TIAM1: variants seen among roughly 807,000 people sequenced by gnomAD.
TIAM1 encodes the protein TIAM Rac1 associated GEF 1.
Under a neutral mutation model 163.5 loss-of-function variants are expected in TIAM1, and 65 were observed. The observed-to-expected ratio is 0.40, with a 90% confidence interval of 0.33 to 0.49. The LOEUF is 0.49. TIAM1 is among the 20% of genes least tolerant of loss of function. The pLI, the probability that TIAM1 is intolerant of heterozygous loss-of-function variation, is 0.77. For missense variants in TIAM1, 1,789 were observed against 2,044.7 expected, an observed-to-expected ratio of 0.87 and a Z score of 2.41; for synonymous variants, 833 against 810.1, an observed-to-expected ratio of 1.03 and a Z score of -0.48.
In TIAM1 at chr21:31,498,744, G is replaced by A. The variant is rs541891876; in HGVS notation, c.-421-34709C>T. ...GTGGATCACCTGAGGTCAAGAGTTC[G>A]AGACCAGCCTGGCCAACATGGTGAA... On this transcript the variant is annotated intron_variant, in intron 1 of 28. Coordinates refer to the TIAM1 transcript ENST00000286827. Among the ~76,000 whole-genome samples the A allele has an allele frequency of 1.5e-4, 23 of 152,186 alleles. No homozygotes were observed. In the East Asian group the frequency reaches 3.3e-3, roughly 22 times the overall value.
chr21:31,405,451 T>C (rs2147226966), intron 2 of TIAM1, among the ~76,000 whole-genome samples: 1 of 152,170 alleles, frequency 6.6e-6, no homozygotes, highest in East Asian at 1.9e-4. Flanking sequence ...CTAATCCCCC[T>C]TCCCGAGCCC....
intron 1 of TIAM1, among the ~76,000 whole-genome samples, chr21:31,523,208 C>T (rs543831863): frequency 3.3e-5 from 5 of 152,296 alleles, no homozygotes; most frequent in African/African-American, 4.8e-5. Context: ...TACAGAGCTA[C>T]AGCATCGAGA....
At chr21:31,326,348 G>A (rs1162891599) in intron 2 of TIAM1, among the ~76,000 whole-genome samples, 1 of 152,166 alleles carries the variant, frequency 6.6e-6, no homozygotes, top group Non-Finnish European at 1.5e-5. Context: ...TTAGAGGGAA[G>A]GGGAGTACTA....
intron 15 of TIAM1, among the ~76,000 whole-genome samples, chr21:31,174,928 G>A (rs1458382163): frequency 6.6e-6 from 1 of 152,162 alleles, no homozygotes; most frequent in African/African-American, 2.4e-5. Flanking sequence ...TTACAGGCGT[G>A]AGCCATCGTG....
At chr21:31,441,290 C>G (rs994543781) in intron 2 of TIAM1, among the ~76,000 whole-genome samples, 11 of 152,222 alleles carry the variant, frequency 7.2e-5, no homozygotes, top group African/African-American at 2.4e-4. Flanking sequence ...GTGGCCCAAG[C>G]ATCCCCCTGC....
intron 2 of TIAM1, among the ~76,000 whole-genome samples, chr21:31,358,830 A>G (rs1417946706): frequency 1.3e-5 from 2 of 152,154 alleles, no homozygotes; most frequent in African/African-American, 2.4e-5. Context: ...CTTTTAAAGT[A>G]TAAATTAGAT....
chr21:31,423,149 A>G (rs551381152), intron 2 of TIAM1, among the ~76,000 whole-genome samples: 133 of 117,632 alleles, frequency 1.1e-3, no homozygotes, highest in Non-Finnish European at 1.8e-3. Context: ...CCCAGGCTGG[A>G]GTGCAGTGGC....
intron 13 of TIAM1, among the ~76,000 whole-genome samples, chr21:31,192,421 C>T (rs1187371165): frequency 1.3e-5 from 2 of 152,066 alleles, no homozygotes; most frequent in Non-Finnish European, 2.9e-5. Flanking sequence ...AGTTCAAGAC[C>T]ACCCTGGCCA....
At chr21:31,181,677 C>T (rs1490093203) in intron 15 of TIAM1, among the ~76,000 whole-genome samples, 1 of 138,478 alleles carries the variant, frequency 7.2e-6, no homozygotes, top group African/African-American at 2.6e-5. Flanking sequence ...TGGAAGATGA[C>T]GATAGAGAAG....
chr21:31,515,151 C>T (rs2047340467), intron 1 of TIAM1, among the ~76,000 whole-genome samples: 1 of 152,154 alleles, frequency 6.6e-6, no homozygotes, highest in Admixed American at 6.5e-5. Context: ...TACCTTTCTT[C>T]GCTATCGACC....
chr21:31,210,588 AAGAAAGAGAGAAAGAAGGAAGGAAGGG>A (rs1569031297), intron 10 of TIAM1, among the ~76,000 whole-genome samples: 32 of 114,182 alleles, frequency 2.8e-4, no homozygotes, highest in African/African-American at 1.5e-3. Flanking sequence ...GAAAGAAAGA[AAGAAAGAGAGAAAGAAGGAAGGAAGGG>A]AGAAAGAAAG....
chr21:31,517,374 A>G (rs2047419877), intron 1 of TIAM1, among the ~76,000 whole-genome samples: 1 of 152,206 alleles, frequency 6.6e-6, no homozygotes, highest in Non-Finnish European at 1.5e-5. Flanking sequence ...CTCTGTAAAT[A>G]AATAAATTGT....
At chr21:31,256,156 T>C (rs2072087879) in intron 4 of TIAM1, among the ~76,000 whole-genome samples, 1 of 152,198 alleles carries the variant, frequency 6.6e-6, no homozygotes, top group Non-Finnish European at 1.5e-5. Context: ...AGCATGAATG[T>C]AGACTAATGA....
At chr21:31,491,569 T>C (rs55993777) in intron 1 of TIAM1, among the ~76,000 whole-genome samples, 31,034 of 152,178 alleles carry the variant, frequency 0.2, 3,321 homozygotes, top group Middle Eastern at 0.28. Context: ...TCACACTCTG[T>C]CTGTAACTCA....
chr21:31,524,402 T>A (rs1178165603), intron 1 of TIAM1, among the ~76,000 whole-genome samples: 1 of 151,992 alleles, frequency 6.6e-6, no homozygotes, highest in African/African-American at 2.4e-5. Context: ...CCAAGAGGGA[T>A]CCGCCCCCAC....
At position 31,440,807 on chromosome 21, in the gene TIAM1, G is replaced by A. The variant is rs148250599; in HGVS notation, c.-369+23176C>T. On this transcript the variant is annotated intron_variant, in intron 2 of 28. Transcript: ENST00000286827. ...GAGGTGGGAGAATCACTTGAACCAG[G>A]GAGGCAGAGGTTGCAGTGAGCAGAG... Among the ~76,000 whole-genome samples the A allele has an allele frequency of 3.6e-3, 547 of 152,286 alleles. 3 individuals carry two copies. The highest frequency in any genetic ancestry group is 6.9e-3 in the Non-Finnish European group (466 of 68,010).
intron 2 of TIAM1, among the ~76,000 whole-genome samples, chr21:31,389,206 TTTTTA>T (rs762275769): frequency 1.6e-4 from 24 of 152,100 alleles, no homozygotes; most frequent in East Asian, 1.9e-4. Context: ...TATTTTATTA[TTTTTA>T]TTTTATTTTA....
intron 16 of TIAM1, among the ~76,000 whole-genome samples, chr21:31,162,860 T>C (rs1294564101): frequency 6.6e-6 from 1 of 152,146 alleles, no homozygotes; most frequent in Non-Finnish European, 1.5e-5. Flanking sequence ...GCACCATCTA[T>C]TTCTATATTT....
chr21:31,151,047 C>T (rs1294034493), intron 19 of TIAM1, among the ~76,000 whole-genome samples: 1 of 152,218 alleles, frequency 6.6e-6, no homozygotes, highest in Non-Finnish European at 1.5e-5. Context: ...GCTGCTACTA[C>T]ACACCTGTTA....
Sources: allele counts gnomAD v4.1 joint callset (sites outside exome capture counted in the v4.1 genomes callset), GRCh38; gene constraint gnomAD v4.1.1; transcripts MANE v1.5; gene names NCBI Gene and HGNC (gene_info 2026-07-23, HGNC 2026-07-21).